EXOC4: variants seen among roughly 807,000 people sequenced by gnomAD.
EXOC4 encodes the protein exocyst complex component 4.
A neutral mutation model predicts 107.2 loss-of-function variants in EXOC4; 71 were observed. The ratio of observed to expected loss-of-function variants is 0.66; its 90% CI spans 0.55 to 0.81. The LOEUF (loss-of-function observed/expected upper bound fraction) is 0.81, where lower values mean the gene tolerates loss of function less well. Among genes scored for constraint, EXOC4 ranks in the 30% least tolerant of loss-of-function variants. The pLI, the probability that EXOC4 is intolerant of heterozygous loss-of-function variation, is 0.00. For missense variants in EXOC4, 1,108 were observed against 1,189.6 expected (o/e 0.93, Z 1.01); for synonymous variants, 456 against 441.2 (o/e 1.03, Z -0.42).
In EXOC4 at chr7:133,917,590, G is replaced by T. The variant is rs1799839162; in HGVS notation, c.1879G>T (p.Val627Phe). Residue 627 changes from valine to phenylalanine, a missense_variant, in exon 13 of 18, where the codon GTC (valine) becomes TTC (phenylalanine). Transcript: ENST00000253861. ...DTCTAAYRGI[V>F]QSEEKLVISA... ...TCTATTGGCTGTGTTTAGGGGTATTGTCCAGTCAGAAGAAAAACTTGTCAT... is the reference window on the plus strand; with the variant it reads ...TCTATTGGCTGTGTTTAGGGGTATTTTCCAGTCAGAAGAAAAACTTGTCAT... 1 of 1,613,920 alleles carries T rather than the reference G, an allele frequency of 6.2e-7. No homozygotes were observed. The highest frequency in any genetic ancestry group is 2.2e-5 in the East Asian group (1 of 44,862).
At position 134,064,660 on chromosome 7, in the gene EXOC4, CTT is replaced by C. The variant is rs775665679; in HGVS notation, c.*134_*135del. On this transcript the variant is annotated 3_prime_UTR_variant, in exon 18 of 18. Transcript: ENST00000253861. ...TTAGTGGAGAGGAGGTGTAAGGATTCTTTCTCTCTGGTTTTGGCTTTTCATAT... is the reference window on the plus strand; with the variant it reads ...TTAGTGGAGAGGAGGTGTAAGGATTCTCTCTCTGGTTTTGGCTTTTCATAT... The C allele has an allele frequency of 1.7e-6, 1 of 601,282 alleles. No homozygotes were observed. The highest frequency in any genetic ancestry group is 2.7e-6 in the Non-Finnish European group (1 of 368,220). 37.2% of individuals were successfully genotyped at this position (601,282 alleles called of 1,614,324 possible).
At chr7:133,669,977 T>A (rs1432890758) in intron 10 of EXOC4, among the ~76,000 whole-genome samples, 1 of 152,240 alleles carries the variant, frequency 6.6e-6, no homozygotes, top group Non-Finnish European at 1.5e-5. Context: ...TCATTTTCTT[T>A]TCAAAATTGA....
chr7:133,829,618 G>A (rs1204846734), intron 11 of EXOC4, among the ~76,000 whole-genome samples: 1 of 152,180 alleles, frequency 6.6e-6, no homozygotes, highest in Non-Finnish European at 1.5e-5. Context: ...GACTTTCTCG[G>A]ATAAATATTG....
intron 14 of EXOC4, among the ~76,000 whole-genome samples, chr7:133,964,315 C>G (rs1351341757): frequency 6.6e-6 from 1 of 151,858 alleles, no homozygotes; most frequent in Non-Finnish European, 1.5e-5. Context: ...ATATTTTTCT[C>G]TTGAGTTTTT....
intron 10 of EXOC4, among the ~76,000 whole-genome samples, chr7:133,667,312 G>A (rs1793843178): frequency 6.6e-6 from 1 of 151,976 alleles, no homozygotes; most frequent in South Asian, 2.1e-4. Flanking sequence ...CAATGATGAT[G>A]ACTGACACTC....
At chr7:133,977,416 G>C (rs1283090160) in intron 14 of EXOC4, among the ~76,000 whole-genome samples, 1 of 152,094 alleles carries the variant, frequency 6.6e-6, no homozygotes, top group Admixed American at 6.6e-5. Context: ...AGTTTATGTA[G>C]CAAAAATAAT....
At position 133,559,029 on chromosome 7, in the gene EXOC4, G is replaced by A. The variant is rs1433471102; in HGVS notation, c.1418-71016G>A. 6.6e-5 allele frequency among the ~76,000 whole-genome samples: 10 copies of A among 152,156 alleles called. No individual in the cohort carries two copies. In the South Asian group the frequency reaches 1.0e-3, roughly 16 times the overall value. On this transcript the variant is annotated intron_variant, in intron 9 of 17. Coordinates refer to ENST00000253861, the MANE Select transcript of EXOC4 (RefSeq NM_021807.4). The stretch of plus-strand genomic sequence containing the variant: ...CTTCTCAGGTTTATGATTTTAAGCC[G>A]TTAAACCAAATACTCCAAACTTTGA...
chr7:133,837,883 TA>T (rs1797949839), intron 11 of EXOC4, among the ~76,000 whole-genome samples: 1 of 152,202 alleles, frequency 6.6e-6, no homozygotes, highest in Non-Finnish European at 1.5e-5. Flanking sequence ...ATATTGAATG[TA>T]AATACAGTAG....
intron 10 of EXOC4, among the ~76,000 whole-genome samples, chr7:133,678,296 C>T (rs1056336928): frequency 6.6e-6 from 1 of 152,154 alleles, no homozygotes; most frequent in Non-Finnish European, 1.5e-5. Context: ...TGGATAAGAA[C>T]TTGAGCATGG....
chr7:133,775,955 A>G (rs1407756209), intron 10 of EXOC4, among the ~76,000 whole-genome samples: 4 of 152,172 alleles, frequency 2.6e-5, no homozygotes, highest in Non-Finnish European at 5.9e-5. Flanking sequence ...TCTAGAAGGA[A>G]TTGCATCTAT....
intron 10 of EXOC4, among the ~76,000 whole-genome samples, chr7:133,749,727 A>AACCTAATCTTG (rs1795751723): frequency 6.6e-6 from 1 of 152,084 alleles, no homozygotes; most frequent in Admixed American, 6.6e-5. Context: ...GTCATAAGTA[A>AACCTAATCTTG]ACCTAATCTT....
rs558315634 is a variant in EXOC4, at chr7:133,824,010, A to G, written c.1734+6466A>G. Among the ~76,000 whole-genome samples, 281 of 143,850 alleles carry G rather than the reference A, an allele frequency of 2.0e-3. No homozygotes were observed. The Middle Eastern group carries it at 0.028, about 15-fold the overall frequency. The allele number at this position is 143,850 out of a possible 152,430, so 94.4% of individuals were successfully genotyped here. A position where few individuals can be genotyped will look rare whatever the true frequency, so the allele number is the denominator to read the frequency against. Reference sequence around the variant, plus strand: ...ACTGCTGTGTTGGATACTTTGAACCAAGCCTTGTACATAAGCCTTGGAATC... The same window carrying G: ...ACTGCTGTGTTGGATACTTTGAACCGAGCCTTGTACATAAGCCTTGGAATC... On this transcript the variant is annotated intron_variant, in intron 11 of 17. Coordinates refer to ENST00000253861, the MANE Select transcript of EXOC4 (RefSeq NM_021807.4).
chr7:133,569,534 A>G (rs994843580), intron 9 of EXOC4, among the ~76,000 whole-genome samples: 1 of 152,000 alleles, frequency 6.6e-6, no homozygotes, highest in African/African-American at 2.4e-5. Flanking sequence ...TAGATATGTA[A>G]CTTTATTATT....
chr7:133,441,990 G>T (rs983062914), intron 7 of EXOC4, among the ~76,000 whole-genome samples: 2 of 152,214 alleles, frequency 1.3e-5, no homozygotes, highest in African/African-American at 4.8e-5. Flanking sequence ...AACAATCCTG[G>T]AAGACTGTGA....
At chr7:133,829,614 C>G (rs1050564539) in intron 11 of EXOC4, among the ~76,000 whole-genome samples, 5 of 152,334 alleles carry the variant, frequency 3.3e-5, no homozygotes, top group African/African-American at 1.2e-4. Context: ...GTCTGACTTT[C>G]TCGGATAAAT....
intron 17 of EXOC4, among the ~76,000 whole-genome samples, chr7:134,020,998 T>G (rs1460666872): frequency 7.1e-6 from 1 of 141,340 alleles, no homozygotes; most frequent in African/African-American, 2.7e-5. Flanking sequence ...AAAAAAAAAA[T>G]ATGAAGGGTT....
At chr7:133,990,919 A>C (rs766179677) in intron 14 of EXOC4, among the ~76,000 whole-genome samples, 14 of 151,886 alleles carry the variant, frequency 9.2e-5, no homozygotes, top group Non-Finnish European at 2.1e-4. Flanking sequence ...TGATATACTG[A>C]TTTCCTCTCT....
chr7:133,362,323 T>C (rs891114278), intron 6 of EXOC4, among the ~76,000 whole-genome samples: 2 of 152,234 alleles, frequency 1.3e-5, no homozygotes, highest in Admixed American at 6.5e-5. Context: ...ACACATACTA[T>C]ACTGTATTGT....
At chr7:133,894,342 C>A (rs1032131481) in intron 11 of EXOC4, among the ~76,000 whole-genome samples, 2 of 122,794 alleles carry the variant, frequency 1.6e-5, no homozygotes, top group Non-Finnish European at 3.3e-5. Context: ...AAATTTTTTT[C>A]AAAGTTTTCA....
Sources: gnomAD v4.1 joint callset for allele counts (sites outside exome capture counted in the v4.1 genomes callset) on GRCh38, gnomAD v4.1.1 for gene constraint, MANE v1.5 for transcripts, NCBI Gene and HGNC (gene_info 2026-07-23, HGNC 2026-07-21) for gene names.